Variants in ENTREP2 observed in about 807,000 individuals in gnomAD.
ENTREP2 encodes endosomal transmembrane epsin interactor 2.
the ENTREP2 span, among the ~76,000 whole-genome samples, chr15:29,272,710 T>C: frequency 7.9e-5 from 12 of 152,182 alleles, no homozygotes; most frequent in African/African-American, 1.2e-4. Context: ...GGAGGAGTCA[T>C]GAACATTTAT....
At chr15:29,342,106 C>T in the ENTREP2 span, among the ~76,000 whole-genome samples, 10,585 of 152,236 alleles carry the variant, frequency 0.07, 959 homozygotes, top group African/African-American at 0.21. Flanking sequence ...GGCCGCCATG[C>T]AGGGCAGAAG....
At chr15:29,151,886 G>A in the ENTREP2 span, 7 of 1,437,438 alleles carry the variant, frequency 4.9e-6, no homozygotes, top group Admixed American at 2.0e-5. Context: ...TCCCGAAATA[G>A]ATAGCAGAAT....
the ENTREP2 span, chr15:29,570,777 C>CCGG: frequency 2.5e-6 from 2 of 802,880 alleles, no homozygotes; most frequent in Non-Finnish European, 3.0e-6. Context: ...GCGCGCGCCG[C>CCGG]CGCCTCTCCT....
At chr15:29,558,242 A>G in the ENTREP2 span, among the ~76,000 whole-genome samples, 1 of 152,078 alleles carries the variant, frequency 6.6e-6, no homozygotes, top group Non-Finnish European at 1.5e-5. Context: ...TCATCATGTG[A>G]ACACTGCCCA....
chr15:29,649,372 GA>G, the ENTREP2 span, among the ~76,000 whole-genome samples: 77 of 152,188 alleles, frequency 5.1e-4, 1 homozygote, highest in African/African-American at 1.8e-3. Flanking sequence ...AACATGAATA[GA>G]TTTTTTTACA....
chr15:29,151,050 C>T, the ENTREP2 span, among the ~76,000 whole-genome samples: 1 of 152,188 alleles, frequency 6.6e-6, no homozygotes, highest in Non-Finnish European at 1.5e-5. Context: ...CTTTGTTGTA[C>T]TCAGTAGCAT....
chr15:29,212,729 G>C, the ENTREP2 span, among the ~76,000 whole-genome samples: 1 of 152,070 alleles, frequency 6.6e-6, no homozygotes, highest in East Asian at 1.9e-4. Context: ...TTTCCATCTT[G>C]ATTTCATTTT....
At chr15:29,461,752 C>A in the ENTREP2 span, among the ~76,000 whole-genome samples, 1 of 152,106 alleles carries the variant, frequency 6.6e-6, no homozygotes, top group Non-Finnish European at 1.5e-5. Flanking sequence ...GGATTACAGG[C>A]ATGAGCCACC....
At chr15:29,118,698 T>C in the ENTREP2 span, among the ~76,000 whole-genome samples, 4 of 151,436 alleles carry the variant, frequency 2.6e-5, no homozygotes, top group Non-Finnish European at 5.9e-5. Flanking sequence ...AAGGTGTGCA[T>C]GCGTGTGCGT....
the ENTREP2 span, among the ~76,000 whole-genome samples, chr15:29,175,846 T>C: frequency 6.6e-6 from 1 of 152,238 alleles, no homozygotes; most frequent in South Asian, 2.1e-4. Context: ...GACCTCGTGA[T>C]CCACCCGCCT....
the ENTREP2 span, among the ~76,000 whole-genome samples, chr15:29,254,966 T>G: frequency 2.0e-5 from 3 of 152,342 alleles, no homozygotes; most frequent in East Asian, 5.8e-4. Context: ...TGAGTCATTA[T>G]GAGCCAAGAA....
chr15:29,410,619 G>A, the ENTREP2 span, among the ~76,000 whole-genome samples: 1 of 152,126 alleles, frequency 6.6e-6, no homozygotes, highest in East Asian at 1.9e-4. Context: ...TGTGCTCTGC[G>A]CAAACAAGAG....
the ENTREP2 span, among the ~76,000 whole-genome samples, chr15:29,451,681 A>C: frequency 1.3e-5 from 2 of 152,186 alleles, no homozygotes; most frequent in African/African-American, 4.8e-5. Context: ...GACTGCAGGC[A>C]GCGAAGCCCC....
At chr15:29,160,102 C>G in the ENTREP2 span, among the ~76,000 whole-genome samples, 5 of 152,208 alleles carry the variant, frequency 3.3e-5, no homozygotes, top group African/African-American at 1.2e-4. Context: ...AGAAATTGAG[C>G]ACAGCAGCTG....
chr15:29,340,736 T>C, the ENTREP2 span, among the ~76,000 whole-genome samples: 1 of 152,088 alleles, frequency 6.6e-6, no homozygotes, highest in East Asian at 1.9e-4. Context: ...AAAATAAAAA[T>C]AGATAATGGA....
chr15:29,344,779 G>T, the ENTREP2 span, among the ~76,000 whole-genome samples: 7 of 152,004 alleles, frequency 4.6e-5, no homozygotes, highest in African/African-American at 1.7e-4. Flanking sequence ...CCACAGAGAG[G>T]CCTGACTCCC....
the ENTREP2 span, among the ~76,000 whole-genome samples, chr15:29,157,731 CT>C: frequency 0.82 from 106,205 of 129,684 alleles, 43,602 homozygotes; most frequent in East Asian, 0.91. Context: ...ATAGCGACAT[CT>C]TTTTTTTTTT....
the ENTREP2 span, among the ~76,000 whole-genome samples, chr15:29,491,316 C>G: frequency 1.3e-5 from 2 of 152,160 alleles, no homozygotes; most frequent in African/African-American, 4.8e-5. Context: ...CAGAGTGGGG[C>G]TCCTACAGTG....
chr15:29,602,942 G>A, the ENTREP2 span, among the ~76,000 whole-genome samples: 1 of 152,160 alleles, frequency 6.6e-6, no homozygotes, highest in African/African-American at 2.4e-5. Flanking sequence ...AAAGACCCTG[G>A]GGCAAGAAAG....
Sources: gnomAD v4.1 joint callset for allele counts (sites outside exome capture counted in the v4.1 genomes callset) on GRCh38, gnomAD v4.1.1 for gene constraint, MANE v1.5 for transcripts, NCBI Gene and HGNC (gene_info 2026-07-23, HGNC 2026-07-21) for gene names.